Variants in SLC22A14 observed in about 807,000 individuals in gnomAD.
SLC22A14 encodes the protein organic cation transporter-like 4.
Under a neutral mutation model 53.9 loss-of-function variants are expected in SLC22A14, and 50 were observed. The observed-to-expected ratio is 0.93, with a 90% CI of 0.74 to 1.17. The LOEUF is 1.17. Among genes scored for constraint, SLC22A14 ranks in the 50% most tolerant of loss-of-function variants. SLC22A14 has a pLI of 0.00. For synonymous variants in SLC22A14, 312 were observed against 303.0 expected, an observed-to-expected ratio of 1.03 and a Z score of -0.31; for missense variants, 671 against 734.7, an observed-to-expected ratio of 0.91 and a Z score of 1.00.
In SLC22A14 at chr3:38,318,474, G is replaced by A. The variant is rs537388181; in HGVS notation, c.*225G>A. On this transcript the variant is annotated 3_prime_UTR_variant, in exon 11 of 11. Coordinates refer to ENST00000448498, the MANE Select transcript of SLC22A14 (RefSeq NM_001320033.2). ...CTAGTTCAGTCTGGGGGCAGGGTCA[G>A]TCCTTCTCCCAGGCCAGCCCTTGAC... 3.2e-5 allele frequency: 17 copies of A among 537,376 alleles called. No individual in the cohort carries two copies. The East Asian group carries it at 5.0e-4, about 16-fold the overall frequency. 33.3% of individuals were successfully genotyped at this position (537,376 alleles called of 1,614,324 possible).
intron 1 of SLC22A14, among the ~76,000 whole-genome samples, chr3:38,295,738 GTCTC>G (rs145660992): frequency 0.065 from 9,672 of 149,476 alleles, 371 homozygotes; most frequent in East Asian, 0.16. Context: ...TCTCCTCTCT[GTCTC>G]TCTCTCTCCT....
Position 38,308,120 on chromosome 3 carries a change from G to GA in SLC22A14, c.775+406dup, listed in dbSNP as rs759605571. ...AGCCCTTAAGAAAGGCCAGGCAAAA[G>GA]AAAAAACAACAAAAAACAGAAGAAG... On this transcript the variant is annotated intron_variant, in intron 4 of 10. Transcript: ENST00000448498. 2.0e-3 allele frequency: 293 copies of GA among 146,006 alleles called. 4 individuals carry two copies. The highest frequency in any genetic ancestry group is 7.1e-3 in the African/African-American group (279 of 39,044). 9.0% of individuals were successfully genotyped at this position (146,006 alleles called of 1,614,324 possible).
chr3:38,281,562 C>A (rs1302600790), upstream of SLC22A14, among the ~76,000 whole-genome samples: 1 of 152,136 alleles, frequency 6.6e-6, no homozygotes, highest in Admixed American at 6.5e-5. Context: ...AGTCACCAGT[C>A]CCATTCTCAT....
At position 38,306,342 on chromosome 3, in the gene SLC22A14, G is replaced by C; in HGVS notation, c.316G>C (p.Val106Leu). Residue 106 changes from valine (V) to leucine (L), a missense_variant, in exon 2 of 11, where the codon GTG (valine) becomes CTG (leucine). Coordinates refer to ENST00000448498, the MANE Select transcript of SLC22A14 (RefSeq NM_001320033.2). ...PYCNTSWILA[V>L]GPHLSKAEQL... ...TTGCAATACCAGCTGGATCCTGGCA[G>C]TGGGCCCCCACCTGTCCAAAGCTGA... 5 of 1,614,184 alleles carry C rather than the reference G, an allele frequency of 3.1e-6. No individual in the cohort carries two copies. Among genetic ancestry groups the C allele is most frequent in the Non-Finnish European group, 4.2e-6 (5 of 1,180,038 alleles).
At chr3:38,295,113 A>G (rs559164566) in intron 1 of SLC22A14, among the ~76,000 whole-genome samples, 27 of 152,196 alleles carry the variant, frequency 1.8e-4, no homozygotes, top group African/African-American at 5.3e-4. Context: ...TTTTTTCTCA[A>G]TCACCTGGGA....
At chr3:38,281,945 G>A (rs1407177069), upstream of SLC22A14, among the ~76,000 whole-genome samples, 4 of 152,220 alleles carry the variant, frequency 2.6e-5, no homozygotes, top group Non-Finnish European at 5.9e-5. Context: ...GACCAAGGCT[G>A]GTTGGCAGGG....
At chr3:38,299,706 G>A (rs1351872960) in intron 1 of SLC22A14, among the ~76,000 whole-genome samples, 2 of 152,174 alleles carry the variant, frequency 1.3e-5, no homozygotes, top group African/African-American at 4.8e-5. Context: ...GGGACTAACA[G>A]CATGCATCAC....
intron 4 of SLC22A14, among the ~76,000 whole-genome samples, chr3:38,308,425 C>G (rs1704376224): frequency 6.6e-6 from 1 of 152,232 alleles, no homozygotes; most frequent in South Asian, 2.1e-4. Flanking sequence ...TGCACAGGGC[C>G]ACACGGCAAC....
intron 1 of SLC22A14, among the ~76,000 whole-genome samples, chr3:38,298,651 G>A (rs1268792527): frequency 6.6e-6 from 1 of 152,046 alleles, no homozygotes; most frequent in African/African-American, 2.4e-5. Context: ...TGCCTCCTGG[G>A]TTCAAGCAAT....
At chr3:38,288,196 T>C (rs1703833334) in intron 1 of SLC22A14, among the ~76,000 whole-genome samples, 1 of 152,246 alleles carries the variant, frequency 6.6e-6, no homozygotes, top group Admixed American at 6.5e-5. Context: ...CATGTCCTTT[T>C]GTGATTTGGT....
chr3:38,286,833 G>A (rs1703804380), intron 1 of SLC22A14, among the ~76,000 whole-genome samples: 1 of 151,982 alleles, frequency 6.6e-6, no homozygotes, highest in African/African-American at 2.4e-5. Context: ...CTGGGTTCAG[G>A]TGATTCTCCT....
At chr3:38,290,376 G>A (rs1703886393) in intron 1 of SLC22A14, among the ~76,000 whole-genome samples, 1 of 152,236 alleles carries the variant, frequency 6.6e-6, no homozygotes, top group Non-Finnish European at 1.5e-5. Flanking sequence ...CTTAGTCATG[G>A]ACTGCATCTG....
At chr3:38,315,924 C>T (rs969243852) in intron 9 of SLC22A14, among the ~76,000 whole-genome samples, 6 of 152,200 alleles carry the variant, frequency 3.9e-5, no homozygotes, top group Non-Finnish European at 5.9e-5. Flanking sequence ...TAAAGGCACT[C>T]GATTAAGGGC....
rs1431419341 is a variant in SLC22A14, at chr3:38,307,055, A to C, written c.517-199A>C. ...GCCTATGCCTCTGGTCACTCTCTCC[A>C]GGCCCAGCTCTCAGGGTGGAGCAGG... On this transcript the variant is annotated intron_variant, in intron 2 of 10. Coordinates refer to ENST00000448498, the MANE Select transcript of SLC22A14 (RefSeq NM_001320033.2). The surrounding 1 kb of genome is among the most constrained non-coding windows in gnomAD (Gnocchi z 4.4). Among the ~76,000 whole-genome samples the C allele has an allele frequency of 6.6e-6, 1 of 152,130 alleles. No individual in the cohort carries two copies. Among genetic ancestry groups the C allele is most frequent in the African/African-American group, 2.4e-5 (1 of 41,434 alleles).
intron 1 of SLC22A14, among the ~76,000 whole-genome samples, chr3:38,283,937 GTCCCATTGGCCAAACTT>G (rs1703730230): frequency 6.6e-6 from 1 of 152,192 alleles, no homozygotes; most frequent in Non-Finnish European, 1.5e-5. Flanking sequence ...TGGGAATGCT[GTCCCATTGGCCAAACTT>G]CAAAAAGAAA....
At chr3:38,282,907 A>T (rs1703704587) in intron 1 of SLC22A14, among the ~76,000 whole-genome samples, 2 of 152,162 alleles carry the variant, frequency 1.3e-5, no homozygotes, top group African/African-American at 4.8e-5. Flanking sequence ...GCTATAACAA[A>T]TGCCCACACT....
In SLC22A14 at chr3:38,313,399, C is replaced by T; in HGVS notation, c.1077C>T (p.Pro359=). 1 of 1,613,344 alleles carries T rather than the reference C, an allele frequency of 6.2e-7. No individual in the cohort carries two copies. The highest frequency in any genetic ancestry group is 8.5e-7 in the Non-Finnish European group (1 of 1,179,382). Residue 359 remains proline (P), a synonymous_variant, in exon 7 of 11, where the codon CCC becomes CCT. Transcript: ENST00000448498. ...TGCTTGTTCTGTAGCTGCAGCTGCC[C>T]AGAAAGAAGGTGACTCGGGCCTCTG... ...PSNLLDELQL[P]RKKVTRASVL... is the part of the protein sequence containing the mutation.
rs1255219739 is a variant in SLC22A14, at chr3:38,309,006, C to T, written c.828C>T (p.His276=). The T allele has an allele frequency of 2.5e-6, 4 of 1,614,176 alleles. No individual in the cohort carries two copies. The highest frequency in any genetic ancestry group is 2.2e-5 in the South Asian group (2 of 91,090). The change falls in exon 5 of 11, where the codon CAC becomes CAT. Residue 276 remains histidine (H), a synonymous_variant. Transcript: ENST00000448498. ...GGGCCCATGCCATTATCCTGGGACA[C>T]TGCTTTTTCGCTGTTGGGGCCGTGT... ...EHRAHAIILG[H]CFFAVGAVLL... is the part of the protein sequence containing the mutation.
intron 1 of SLC22A14, among the ~76,000 whole-genome samples, chr3:38,289,459 T>TGGCGGGCTGCTTCCAAGATGGC (rs1190409797): frequency 3.9e-5 from 6 of 152,116 alleles, no homozygotes; most frequent in Admixed American, 2.6e-4. Context: ...CCCAAGATGG[T>TGGCGGGCTGCTTCCAAGATGGC]GGCGGGCTGC....
Sources: gnomAD v4.1 joint callset for allele counts (sites outside exome capture counted in the v4.1 genomes callset) on GRCh38, gnomAD v4.1.1 for gene constraint, Gnocchi (gnomAD v3.1) non-coding constraint, MANE v1.5 for transcripts, NCBI Gene and HGNC (gene_info 2026-07-23, HGNC 2026-07-21) for gene names.